The following ASB5 variants were observed in gnomAD, a reference collection of about 807,000 sequenced individuals.
The protein encoded by ASB5 is ankyrin repeat and SOCS box containing 5, also known as ankyrin repeat and SOCS box protein 5.
ASB5 carries 45 observed loss-of-function variants against 42.1 expected under a neutral mutation model. The ratio of observed to expected loss-of-function variants is 1.07; its 90% CI spans 0.84 to 1.37. ASB5 has a LOEUF of 1.37. ASB5 is among the 40% of genes most tolerant of loss of function. ASB5 has a pLI of 0.00. For synonymous variants in ASB5, 147 were observed against 150.6 expected (o/e 0.98, Z 0.18); for missense variants, 402 against 399.8 (o/e 1.01, Z -0.05).
At chr4:176,232,186 G>A (rs928343190) in intron 1 of ASB5, among the ~76,000 whole-genome samples, 13 of 150,238 alleles carry the variant, frequency 8.7e-5, no homozygotes, top group South Asian at 4.2e-4. Flanking sequence ...GCAATGGTGC[G>A]ATCTCGGCTC....
At chr4:176,242,916 C>T (rs956794393) in intron 1 of ASB5, among the ~76,000 whole-genome samples, 3 of 152,036 alleles carry the variant, frequency 2.0e-5, no homozygotes, top group Non-Finnish European at 2.9e-5. Flanking sequence ...TTATATGTTC[C>T]CTATCAGAGG....
chr4:176,252,941 T>A (rs780340521), intron 1 of ASB5, among the ~76,000 whole-genome samples: 16 of 152,180 alleles, frequency 1.1e-4, no homozygotes, highest in Non-Finnish European at 2.1e-4. Flanking sequence ...GTTATGAGGA[T>A]TATGGCATGT....
rs528769171 is a variant in ASB5 at position 176,245,472 on chromosome 4, T to C, written c.197-20131A>G. Among the ~76,000 whole-genome samples the C allele has an allele frequency of 6.6e-5, 10 of 152,274 alleles. No individual in the cohort carries two copies. The East Asian group carries it at 1.9e-3, about 29-fold the overall frequency. Reference sequence around the variant, plus strand: ...TGGGAGTATAAACTAGTTCAACCATTGTGGAAGACAGTGTGGCGATTCCTC... The same window carrying C: ...TGGGAGTATAAACTAGTTCAACCATCGTGGAAGACAGTGTGGCGATTCCTC... On this transcript the variant is annotated intron_variant, in intron 1 of 6. Coordinates refer to ENST00000296525, the MANE Select transcript of ASB5 (RefSeq NM_080874.4).
At chr4:176,275,178 G>T (rs958612097) in intron 2 of ASB5, among the ~76,000 whole-genome samples, 10 of 152,102 alleles carry the variant, frequency 6.6e-5, no homozygotes, top group Non-Finnish European at 1.2e-4. Context: ...GCCTCCCAAA[G>T]TGCTGGGATT....
At chr4:176,225,591 A>AT (rs11429453) in intron 1 of ASB5, among the ~76,000 whole-genome samples, 140,280 of 152,076 alleles carry the variant, frequency 0.92, 64,842 homozygotes, top group Non-Finnish European at 0.94. Context: ...GCCTTTTTAA[A>AT]TTTTTTATTT....
chr4:176,218,228 T>A (rs865819147), intron 5 of ASB5, among the ~76,000 whole-genome samples: 2 of 53,516 alleles, frequency 3.7e-5, no homozygotes, highest in Non-Finnish European at 7.1e-5. Flanking sequence ...GATATAAATA[T>A]ATATATATTT....
chr4:176,227,898 T>C (rs1753423290), intron 1 of ASB5, among the ~76,000 whole-genome samples: 1 of 152,164 alleles, frequency 6.6e-6, no homozygotes, highest in Non-Finnish European at 1.5e-5. Flanking sequence ...CATTACTGTA[T>C]TTTTCCTTCT....
rs779515325 is a variant in ASB5 at position 176,215,684 on chromosome 4, T to G, written c.906A>C (p.Arg302=). 1.5e-5 allele frequency: 24 copies of G among 1,613,112 alleles called. No homozygotes were observed. The highest frequency in any genetic ancestry group is 1.7e-4 in the Middle Eastern group (1 of 6,058). The part of the protein sequence containing the change: ...SLYQLCRLCI[R]SYIGKPRLHL... Reference sequence around the variant, plus strand: ...GCAATCTTGGTTTTCCTATGTAGCTTCGGATACAGAGTCGGCAAAGTTGGT... The same window carrying G: ...GCAATCTTGGTTTTCCTATGTAGCTGCGGATACAGAGTCGGCAAAGTTGGT... Residue 302 remains arginine, a synonymous_variant, in exon 7 of 7, where the codon CGA becomes CGC. Transcript: ENST00000296525.
chr4:176,217,981 C>T (rs1753020344), intron 5 of ASB5, among the ~76,000 whole-genome samples: 1 of 151,118 alleles, frequency 6.6e-6, no homozygotes, highest in African/African-American at 2.4e-5. Context: ...ATTTTTAAAA[C>T]AAATATAAAA....
intron 1 of ASB5, among the ~76,000 whole-genome samples, chr4:176,248,710 A>G (rs938019097): frequency 1.3e-5 from 2 of 152,244 alleles, no homozygotes; most frequent in African/African-American, 2.4e-5. Context: ...TGTTCATTGT[A>G]AAAGTAAATA....
chr4:176,218,252 A>G (rs1360406743), intron 5 of ASB5, among the ~76,000 whole-genome samples: 1 of 15,926 alleles, frequency 6.3e-5, no homozygotes, highest in Non-Finnish European at 1.1e-4. Flanking sequence ...TGATATATAA[A>G]TATATATATA....
rs1043970451 is a variant in ASB5, at chr4:176,241,497, A to T, written c.197-16156T>A. ...CAAATTTCCACCATTGCAAAGAGGC[A>T]TCTGGAAGGGGCCATTATTCAGTTC... On this transcript the variant is annotated intron_variant, in intron 1 of 6. Coordinates refer to ENST00000296525, the MANE Select transcript of ASB5 (RefSeq NM_080874.4). 2.0e-6 allele frequency: 3 copies of T among 1,535,538 alleles called. No homozygotes were observed. The African/African-American group carries it at 4.1e-5, about 21-fold the overall frequency.
Position 176,216,747 on chromosome 4 carries a change from A to G in ASB5, c.862+71T>C, listed in dbSNP as rs567044049. 72 of 1,266,388 alleles carry G rather than the reference A, an allele frequency of 5.7e-5. No individual in the cohort carries two copies. The East Asian group carries it at 1.6e-3, about 29-fold the overall frequency. 78.4% of individuals were successfully genotyped at this position (1,266,388 alleles called of 1,614,324 possible). ...ATTGTTACTTTCCATGCCAACAAAA[A>G]CTCTCTCACTTTCATCTATTTTAGG... On this transcript the variant is annotated intron_variant, in intron 6 of 6. Transcript: ENST00000296525.
chr4:176,255,388 C>G (rs542351347), intron 1 of ASB5, among the ~76,000 whole-genome samples: 28 of 152,266 alleles, frequency 1.8e-4, no homozygotes, highest in African/African-American at 6.7e-4. Flanking sequence ...AGAAACTGTT[C>G]TAACAAAAAG....
chr4:176,219,141 TATAA>T (rs1297537578), intron 5 of ASB5, among the ~76,000 whole-genome samples: 1 of 120,140 alleles, frequency 8.3e-6, no homozygotes, highest in African/African-American at 3.4e-5. Flanking sequence ...TTGTATGATA[TATAA>T]ATATATATTT....
At chr4:176,221,742 C>A in intron 3 of ASB5, 142 bp from the exon 4 acceptor site, 1 of 767,014 alleles carries the variant, frequency 1.3e-6, no homozygotes. Flanking sequence ...GTATACTTTG[C>A]TCTTATGCAT....
intron 1 of ASB5, among the ~76,000 whole-genome samples, chr4:176,240,289 G>A (rs542091675): frequency 1.3e-5 from 2 of 152,258 alleles, no homozygotes; most frequent in South Asian, 4.1e-4. Flanking sequence ...ATGGTCTAAC[G>A]TTACTACCGA....
chr4:176,263,681 CCTACAGATTTG>C (rs1401398594), intron 1 of ASB5, among the ~76,000 whole-genome samples: 1 of 152,106 alleles, frequency 6.6e-6, no homozygotes, highest in Non-Finnish European at 1.5e-5. Flanking sequence ...AAGAAGTCAT[CCTACAGATTTG>C]CTACAGATTC....
intron 1 of ASB5, among the ~76,000 whole-genome samples, chr4:176,231,411 G>A (rs1472286835): frequency 7.3e-6 from 1 of 137,496 alleles, no homozygotes; most frequent in Non-Finnish European, 1.6e-5. Flanking sequence ...CTCTTTATTT[G>A]AGAAACTGCT....
Sources: allele counts gnomAD v4.1 joint callset (sites outside exome capture counted in the v4.1 genomes callset), GRCh38; gene constraint gnomAD v4.1.1; transcripts MANE v1.5; gene names NCBI Gene and HGNC (gene_info 2026-07-23, HGNC 2026-07-21).